Variants in RNGTT observed in about 807,000 individuals in gnomAD.
RNGTT encodes the protein mRNA-capping enzyme.
A neutral mutation model predicts 79.3 loss-of-function variants in RNGTT; 33 were observed. That is an observed-to-expected ratio of 0.42 (90% confidence interval 0.32 to 0.56). RNGTT has a LOEUF of 0.56. RNGTT is among the 20% of genes least tolerant of loss of function. The probability of loss-of-function intolerance (pLI) is 0.17; values close to 1 mark genes in which losing one functional copy is unlikely to be tolerated. For missense variants in RNGTT, 497 were observed against 739.1 expected, an observed-to-expected ratio of 0.67 and a Z score of 3.80; for synonymous variants, 222 against 235.9, an observed-to-expected ratio of 0.94 and a Z score of 0.54.
chr6:88,713,527 G>C (rs972339973), intron 13 of RNGTT, among the ~76,000 whole-genome samples: 2 of 152,116 alleles, frequency 1.3e-5, no homozygotes, highest in African/African-American at 4.8e-5. Flanking sequence ...TCACATGGTA[G>C]CATCGATAGT....
intron 13 of RNGTT, among the ~76,000 whole-genome samples, chr6:88,726,388 C>CAAAAAA (rs1776905496): frequency 1.3e-5 from 1 of 77,778 alleles, no homozygotes; most frequent in Admixed American, 1.2e-4. Flanking sequence ...TATCCTAAGT[C>CAAAAAA]CAAAAAAAAA....
At chr6:88,675,495 C>T (rs1361504726) in intron 14 of RNGTT, among the ~76,000 whole-genome samples, 1 of 151,970 alleles carries the variant, frequency 6.6e-6, no homozygotes, top group Non-Finnish European at 1.5e-5. Flanking sequence ...AGTTCAAGAC[C>T]AACCTGGCCA....
chr6:88,853,366 G>T (rs989482835), intron 9 of RNGTT, among the ~76,000 whole-genome samples: 6 of 152,088 alleles, frequency 3.9e-5, no homozygotes, highest in African/African-American at 7.2e-5. Context: ...TTAGCCGGGC[G>T]TGGTGGCACA....
chr6:88,647,030 A>G (rs6919539), intron 14 of RNGTT, among the ~76,000 whole-genome samples: 40,294 of 152,076 alleles, frequency 0.26, 9,335 homozygotes, highest in African/African-American at 0.63. Context: ...ATAAAAATAT[A>G]TATATGAAAA....
chr6:88,946,147 T>C (rs1785002439), intron 1 of RNGTT, among the ~76,000 whole-genome samples: 2 of 152,234 alleles, frequency 1.3e-5, no homozygotes, highest in African/African-American at 2.4e-5. Context: ...AAGTAATTTA[T>C]CCAACAGTAT....
At chr6:88,716,998 A>G (rs1776541076) in intron 13 of RNGTT, among the ~76,000 whole-genome samples, 1 of 152,160 alleles carries the variant, frequency 6.6e-6, no homozygotes, top group South Asian at 2.1e-4. Flanking sequence ...CACTCATTCC[A>G]TTTGTGAAAA....
intron 4 of RNGTT, among the ~76,000 whole-genome samples, chr6:88,909,248 C>T (rs115416483): frequency 0.022 from 3,289 of 152,280 alleles, 117 homozygotes; most frequent in African/African-American, 0.075. Flanking sequence ...AGTCTGGTTG[C>T]GCCTGCTCCT....
intron 8 of RNGTT, 110 bp from the exon 9 acceptor site, chr6:88,853,874 T>C (rs1781756432): frequency 8.7e-6 from 5 of 577,548 alleles, no homozygotes; most frequent in Non-Finnish European, 1.5e-5. Flanking sequence ...TAGACTAATG[T>C]TCACTGGAGT....
intron 14 of RNGTT, among the ~76,000 whole-genome samples, chr6:88,623,421 G>A (rs1200704643): frequency 6.6e-6 from 1 of 151,948 alleles, no homozygotes; most frequent in East Asian, 1.9e-4. Flanking sequence ...CTTCTCCAAT[G>A]CAGTAAATGG....
chr6:88,767,958 T>A (rs1778520843), intron 13 of RNGTT, among the ~76,000 whole-genome samples: 3 of 152,178 alleles, frequency 2.0e-5, no homozygotes, highest in African/African-American at 7.2e-5. Context: ...TTTGAAACTA[T>A]CCTGAAAGTC....
At position 88,861,238 on chromosome 6, in the gene RNGTT, A is replaced by C. The variant is rs542382592; in HGVS notation, c.897-7474T>G. ...ACAGAAATAAATTCAAGTATACTAA[A>C]ATTTCTTATAAAGAAAATTCAGACC... is the stretch of plus-strand genomic sequence containing the variant. On this transcript the variant is annotated intron_variant, in intron 8 of 15. Coordinates refer to ENST00000369485, the MANE Select transcript of RNGTT (RefSeq NM_003800.5). Among the ~76,000 whole-genome samples, 13 of 152,294 alleles carry C rather than the reference A, an allele frequency of 8.5e-5. No homozygotes were observed. The East Asian group carries it at 2.3e-3, about 27-fold the overall frequency.
chr6:88,683,113 A>C (rs770906519), intron 13 of RNGTT, among the ~76,000 whole-genome samples: 1 of 152,174 alleles, frequency 6.6e-6, no homozygotes, highest in Non-Finnish European at 1.5e-5. Flanking sequence ...CCCAACAAAA[A>C]TAGAAGCAAA....
At chr6:88,929,380 G>A (rs1460927619) in intron 2 of RNGTT, 113 bp from the exon 3 acceptor site, 2 of 651,216 alleles carry the variant, frequency 3.1e-6, no homozygotes. Context: ...GGGAGATTCT[G>A]TATGTACTTT....
At chr6:88,776,861 T>C (rs557620554) in intron 12 of RNGTT, among the ~76,000 whole-genome samples, 1 of 152,304 alleles carries the variant, frequency 6.6e-6, no homozygotes, top group East Asian at 1.9e-4. Context: ...TTTCATGTAG[T>C]CCCAGTTGTG....
chr6:88,728,393 C>A (rs1203533266), intron 13 of RNGTT, among the ~76,000 whole-genome samples: 3 of 152,176 alleles, frequency 2.0e-5, no homozygotes, highest in Non-Finnish European at 4.4e-5. Flanking sequence ...TTGATAAAGA[C>A]CCCAGTGTCA....
chr6:88,750,908 T>C (rs1427372396), intron 13 of RNGTT, among the ~76,000 whole-genome samples: 1 of 152,172 alleles, frequency 6.6e-6, no homozygotes, highest in Non-Finnish European at 1.5e-5. Context: ...TAACCTTACT[T>C]ACTCTAATAG....
intron 14 of RNGTT, among the ~76,000 whole-genome samples, chr6:88,647,715 A>AAAAAAAAG (rs531898293): frequency 1.4e-5 from 2 of 142,476 alleles, no homozygotes; most frequent in African/African-American, 6.0e-5. Flanking sequence ...AAAAAAAAAA[A>AAAAAAAAG]AAGAAGAAGA....
At chr6:88,753,908 G>T (rs1777922289) in intron 13 of RNGTT, among the ~76,000 whole-genome samples, 1 of 152,082 alleles carries the variant, frequency 6.6e-6, no homozygotes, top group Non-Finnish European at 1.5e-5. Context: ...CTTGACAAAT[G>T]TAAGGATGAT....
At chr6:88,956,306 G>A (rs1465301921) in intron 1 of RNGTT, among the ~76,000 whole-genome samples, 2 of 151,678 alleles carry the variant, frequency 1.3e-5, no homozygotes, top group Non-Finnish European at 2.9e-5. Flanking sequence ...CAGGAAGAAA[G>A]AGAAACTCTG....
Sources: allele counts gnomAD v4.1 joint callset (sites outside exome capture counted in the v4.1 genomes callset), GRCh38; gene constraint gnomAD v4.1.1; transcripts MANE v1.5; gene names NCBI Gene and HGNC (gene_info 2026-07-23, HGNC 2026-07-21).